The following DOCK1 variants were observed in gnomAD, a reference collection of about 807,000 sequenced individuals.
The protein encoded by DOCK1 is dedicator of cytokinesis protein 1.
A neutral mutation model predicts 262.7 loss-of-function variants in DOCK1; 138 were observed. That is an observed-to-expected ratio of 0.53 (90% CI 0.46 to 0.61). The LOEUF (loss-of-function observed/expected upper bound fraction) is 0.61, where lower values mean the gene tolerates loss of function less well. Among genes scored for constraint, DOCK1 ranks in the 20% least tolerant of loss-of-function variants. The probability of loss-of-function intolerance (pLI) is 0.00; values close to 1 mark genes in which losing one functional copy is unlikely to be tolerated. For missense variants in DOCK1, 1,908 were observed against 2,370.7 expected (o/e 0.80, Z 4.05); for synonymous variants, 866 against 867.4 (o/e 1.00, Z 0.03).
At chr10:127,329,227 C>T (rs1176684311) in intron 29 of DOCK1, among the ~76,000 whole-genome samples, 4 of 152,172 alleles carry the variant, frequency 2.6e-5, no homozygotes, top group African/African-American at 9.7e-5. Context: ...GACAACCTGT[C>T]CTGTGCCCGA....
chr10:127,231,039 C>G (rs554072484), intron 27 of DOCK1, among the ~76,000 whole-genome samples: 2 of 151,968 alleles, frequency 1.3e-5, no homozygotes, highest in Admixed American at 6.6e-5. Flanking sequence ...TTTAATTATT[C>G]CTAAGTCTTT....
At chr10:127,399,822 G>A (rs1288525686) in intron 38 of DOCK1, among the ~76,000 whole-genome samples, 1 of 152,194 alleles carries the variant, frequency 6.6e-6, no homozygotes, top group Non-Finnish European at 1.5e-5. Flanking sequence ...TGCTCAGAGA[G>A]GAAGTGGTCA....
chr10:127,284,850 C>T (rs569501810), intron 29 of DOCK1, among the ~76,000 whole-genome samples: 7 of 152,148 alleles, frequency 4.6e-5, no homozygotes, highest in African/African-American at 7.2e-5. Flanking sequence ...TATTTGGCAT[C>T]GGCCAGGTGC....
At chr10:127,079,049 A>G (rs1351866206) in intron 23 of DOCK1, among the ~76,000 whole-genome samples, 4 of 152,216 alleles carry the variant, frequency 2.6e-5, no homozygotes, top group Admixed American at 2.6e-4. Context: ...TGATGGATAA[A>G]TTTATAGATG....
At chr10:127,339,144 C>T in intron 30 of DOCK1, 60 bp downstream of exon 30, 1 of 1,386,578 alleles carries the variant, frequency 7.2e-7, no homozygotes, top group Admixed American at 2.0e-5. Context: ...AATTGCTGGT[C>T]CGAGCCAGTA....
At chr10:126,972,842 G>T (rs1042555401) in intron 2 of DOCK1, among the ~76,000 whole-genome samples, 3 of 151,758 alleles carry the variant, frequency 2.0e-5, no homozygotes, top group Non-Finnish European at 4.4e-5. Flanking sequence ...CTGCGTGGAA[G>T]CCAGTGCAGC....
chr10:126,992,523 G>A (rs1297618293), intron 6 of DOCK1, among the ~76,000 whole-genome samples: 1 of 152,122 alleles, frequency 6.6e-6, no homozygotes, highest in Non-Finnish European at 1.5e-5. Context: ...AGTGTTGAAT[G>A]TTTGATTTTA....
At chr10:127,435,227 C>T (rs1591049971) in intron 48 of DOCK1, among the ~76,000 whole-genome samples, 2 of 152,142 alleles carry the variant, frequency 1.3e-5, no homozygotes, top group East Asian at 3.9e-4. Flanking sequence ...ACAGAAGAAC[C>T]TCTAATTGTT....
At chr10:126,948,792 T>C (rs1420328058) in intron 1 of DOCK1, among the ~76,000 whole-genome samples, 1 of 152,054 alleles carries the variant, frequency 6.6e-6, no homozygotes, top group Non-Finnish European at 1.5e-5. Flanking sequence ...CTCTGATCCT[T>C]TGGGCTGGAT....
chr10:127,076,870 G>T (rs895503399), intron 23 of DOCK1, among the ~76,000 whole-genome samples: 1 of 152,152 alleles, frequency 6.6e-6, no homozygotes, highest in Non-Finnish European at 1.5e-5. Flanking sequence ...TGTCCCTGGG[G>T]TGCAGGAATT....
At chr10:127,029,913 T>C (rs1246251758) in intron 16 of DOCK1, among the ~76,000 whole-genome samples, 2 of 152,224 alleles carry the variant, frequency 1.3e-5, no homozygotes, top group East Asian at 1.9e-4. Context: ...GGAACTGTTC[T>C]GTTCTTTGCC....
At chr10:127,338,553 G>T (rs143632803) in intron 29 of DOCK1, among the ~76,000 whole-genome samples, 358 of 152,284 alleles carry the variant, frequency 2.4e-3, no homozygotes, top group African/African-American at 8.1e-3. Context: ...ATGCTTCCAA[G>T]CCTGGAGATA....
At chr10:127,224,066 T>C (rs1271191608) in intron 27 of DOCK1, among the ~76,000 whole-genome samples, 1 of 152,240 alleles carries the variant, frequency 6.6e-6, no homozygotes, top group Non-Finnish European at 1.5e-5. Context: ...ACTGATATTT[T>C]CTTGGGTTTT....
At chr10:127,179,396 A>G (rs903736260) in intron 27 of DOCK1, among the ~76,000 whole-genome samples, 1 of 152,222 alleles carries the variant, frequency 6.6e-6, no homozygotes, top group East Asian at 1.9e-4. Flanking sequence ...AATACTTAGG[A>G]TTTTTAATCA....
At chr10:127,242,475 A>T (rs1464001735) in intron 27 of DOCK1, among the ~76,000 whole-genome samples, 1 of 152,102 alleles carries the variant, frequency 6.6e-6, no homozygotes, top group Admixed American at 6.6e-5. Flanking sequence ...AGCTCTAAGA[A>T]CTCACTCATA....
intron 44 of DOCK1, among the ~76,000 whole-genome samples, chr10:127,416,180 C>G (rs987566132): frequency 1.3e-5 from 2 of 152,208 alleles, no homozygotes; most frequent in African/African-American, 4.8e-5. Flanking sequence ...CTCAAAGCAC[C>G]CAGGGCTCTT....
chr10:127,110,151 T>C, intron 24 of DOCK1, 97 bp from the exon 25 acceptor site: 1 of 958,034 alleles, frequency 1.0e-6, no homozygotes, highest in Middle Eastern at 2.1e-4. Context: ...CTGGTGACAT[T>C]AATGACCATG....
intron 13 of DOCK1, among the ~76,000 whole-genome samples, chr10:127,022,817 T>C (rs1230145879): frequency 6.6e-6 from 1 of 152,168 alleles, no homozygotes; most frequent in East Asian, 1.9e-4. Flanking sequence ...AGTCCTTGGC[T>C]ACTGAGGACT....
intron 29 of DOCK1, among the ~76,000 whole-genome samples, chr10:127,333,228 A>G (rs2063059125): frequency 6.6e-6 from 1 of 152,200 alleles, no homozygotes; most frequent in South Asian, 2.1e-4. Context: ...ATGTAACTTA[A>G]AGTAAGTTTA....
Sources: allele counts gnomAD v4.1 joint callset (sites outside exome capture counted in the v4.1 genomes callset), GRCh38; gene constraint gnomAD v4.1.1; transcripts MANE v1.5; gene names NCBI Gene and HGNC (gene_info 2026-07-23, HGNC 2026-07-21).